CCDC144A: variants seen among roughly 807,000 people sequenced by gnomAD.
The protein encoded by CCDC144A is coiled-coil domain containing 144A.
A neutral mutation model predicts 143.8 loss-of-function variants in CCDC144A; 41 were observed. That is an observed-to-expected ratio of 0.29 (90% CI 0.22 to 0.37). CCDC144A has a LOEUF of 0.37. Ranked by LOEUF, CCDC144A falls within the 10% of genes least tolerant of loss-of-function variation. The pLI, the probability that CCDC144A is intolerant of heterozygous loss-of-function variation, is 1.00. For missense variants in CCDC144A, 637 were observed against 1,488.8 expected (o/e 0.43, Z 9.41); for synonymous variants, 242 against 517.9 (o/e 0.47, Z 7.23).
intron 15 of CCDC144A, among the ~76,000 whole-genome samples, chr17:16,771,730 A>G (rs1915828547): frequency 6.6e-6 from 1 of 152,268 alleles, no homozygotes; most frequent in Non-Finnish European, 1.5e-5. Context: ...TTGAAATGAC[A>G]TAGCTCCAAC....
intron 8 of CCDC144A, among the ~76,000 whole-genome samples, chr17:16,725,735 T>G (rs1198438163): frequency 6.9e-6 from 1 of 145,942 alleles, no homozygotes; most frequent in African/African-American, 2.6e-5. Context: ...AAGAACTTAT[T>G]CATGTAACCA....
chr17:16,688,592 G>A (rs1910875582), upstream of CCDC144A, among the ~76,000 whole-genome samples: 3 of 143,562 alleles, frequency 2.1e-5, no homozygotes, highest in Admixed American at 7.3e-5. Flanking sequence ...GGGTTCAAGC[G>A]ATTCTTTTGT....
Position 16,755,992 on chromosome 17 carries a change from A to G in CCDC144A, c.3373-5433A>G, listed in dbSNP as rs1438801317. Among the ~76,000 whole-genome samples, 3 of 152,158 alleles carry G rather than the reference A, an allele frequency of 2.0e-5. No individual in the cohort carries two copies. The East Asian group carries it at 5.8e-4, about 29-fold the overall frequency. On this transcript the variant is annotated intron_variant, in intron 12 of 16. Transcript: ENST00000399273. Reference sequence around the variant, plus strand: ...TAAGGTTTCTGCTGACAAATATGCTATTTGATATGGATTCCCTTGTATGTG... The same window carrying G: ...TAAGGTTTCTGCTGACAAATATGCTGTTTGATATGGATTCCCTTGTATGTG...
chr17:16,746,645 G>A, intron 12 of CCDC144A: 4 of 1,612,382 alleles, frequency 2.5e-6, no homozygotes, highest in Non-Finnish European at 3.4e-6. Flanking sequence ...GTAGAGATGA[G>A]GATAAAGACT....
At position 16,774,955 on chromosome 17, in the gene CCDC144A, C is replaced by A. The variant is rs2143426291; in HGVS notation, c.*1322C>A. ...TTCAGCTCCCACTTGTAAGTGAGAG[C>A]ATGCAGTATTTCATTTTCTATTTCT... On this transcript the variant is annotated 3_prime_UTR_variant, in exon 17 of 17. Coordinates refer to ENST00000399273, the MANE Select transcript of CCDC144A (RefSeq NM_001382000.1). The A allele has an allele frequency of 6.6e-6, 1 of 150,634 alleles. No homozygotes were observed. The highest frequency in any genetic ancestry group is 2.1e-4 in the South Asian group (1 of 4,666). The allele number at this position is 150,634 out of a possible 1,614,324, so 9.3% of individuals were successfully genotyped here.
At chr17:16,713,730 A>T (rs1912579141) in intron 6 of CCDC144A, among the ~76,000 whole-genome samples, 1 of 152,174 alleles carries the variant, frequency 6.6e-6, no homozygotes, top group Non-Finnish European at 1.5e-5. Flanking sequence ...CATTTCAAAA[A>T]TGCCATATAG....
At chr17:16,667,714 T>G in the CCDC144A span, among the ~76,000 whole-genome samples, 1 of 152,006 alleles carries the variant, frequency 6.6e-6, no homozygotes. Context: ...GAGGATGAAC[T>G]GTGTTTTGCA....
At chr17:16,696,466 T>G (rs548608779) in intron 2 of CCDC144A, among the ~76,000 whole-genome samples, 3 of 150,650 alleles carry the variant, frequency 2.0e-5, no homozygotes, top group Non-Finnish European at 4.5e-5. Flanking sequence ...CTGTCTCTAC[T>G]AAAAATACAC....
intron 2 of CCDC144A, among the ~76,000 whole-genome samples, chr17:16,694,170 C>T (rs1027334920): frequency 7.3e-5 from 11 of 149,990 alleles, no homozygotes; most frequent in South Asian, 2.2e-4. Flanking sequence ...AGTTCAAATC[C>T]GTGTTGTTCA....
chr17:16,674,424 AT>A, the CCDC144A span, among the ~76,000 whole-genome samples: 2 of 152,128 alleles, frequency 1.3e-5, no homozygotes, highest in Admixed American at 1.3e-4. Flanking sequence ...CATTGGTTAC[AT>A]TGAAAAGAAA....
chr17:16,686,273 C>G (rs1910778911), upstream of CCDC144A, among the ~76,000 whole-genome samples: 1 of 151,988 alleles, frequency 6.6e-6, no homozygotes, highest in South Asian at 2.1e-4. Context: ...TGCAATTTCC[C>G]TCCCTCCATG....
the CCDC144A span, among the ~76,000 whole-genome samples, chr17:16,667,632 CT>C: frequency 0.055 from 8,395 of 151,890 alleles, 489 homozygotes; most frequent in African/African-American, 0.14. Context: ...GCTCGGTGTC[CT>C]TTCTTACTCT....
chr17:16,697,666 T>C (rs1319627495), intron 2 of CCDC144A, among the ~76,000 whole-genome samples: 1 of 152,262 alleles, frequency 6.6e-6, no homozygotes, highest in Non-Finnish European at 1.5e-5. Flanking sequence ...TTTATTTTAC[T>C]TAAACTTTTT....
intron 12 of CCDC144A, among the ~76,000 whole-genome samples, chr17:16,739,743 C>T (rs1200921583): frequency 6.6e-6 from 1 of 152,122 alleles, no homozygotes; most frequent in African/African-American, 2.4e-5. Flanking sequence ...TTTGGATTCT[C>T]AGTTATAATA....
At chr17:16,713,486 G>A (rs1274116258) in intron 6 of CCDC144A, among the ~76,000 whole-genome samples, 1 of 152,084 alleles carries the variant, frequency 6.6e-6, no homozygotes, top group African/African-American at 2.4e-5. Flanking sequence ...CCTTTTATTC[G>A]TGTTATAGAA....
rs1429827359 is a variant in CCDC144A, at chr17:16,761,099, G to A, written c.3373-326G>A. 4.0e-5 allele frequency among the ~76,000 whole-genome samples: 6 copies of A among 151,312 alleles called. No individual in the cohort carries two copies. The South Asian group carries it at 6.3e-4, about 16-fold the overall frequency. On this transcript the variant is annotated intron_variant, in intron 12 of 16. Transcript: ENST00000399273. ...TCTCAGCACTTTGGGAGGCCGAGGC[G>A]AGTGGATCATGAGGTCAGGAGATCG... is the stretch of plus-strand genomic sequence containing the variant.
chr17:16,675,088 A>T, the CCDC144A span, among the ~76,000 whole-genome samples: 1 of 151,836 alleles, frequency 6.6e-6, no homozygotes, highest in Admixed American at 6.6e-5. Flanking sequence ...GGCCAACATG[A>T]TGAAACGCCA....
At chr17:16,768,303 C>G (rs180774081) in intron 15 of CCDC144A, among the ~76,000 whole-genome samples, 145 of 152,248 alleles carry the variant, frequency 9.5e-4, no homozygotes, top group Middle Eastern at 6.8e-3. Context: ...CCCAATAAAA[C>G]TTGTTTAATA....
At chr17:16,697,601 G>A (rs1911490204) in intron 2 of CCDC144A, among the ~76,000 whole-genome samples, 1 of 152,266 alleles carries the variant, frequency 6.6e-6, no homozygotes, top group African/African-American at 2.4e-5. Context: ...AGGTTAAGGA[G>A]CTCAGTTATT....
Sources: allele counts gnomAD v4.1 joint callset (sites outside exome capture counted in the v4.1 genomes callset), GRCh38; gene constraint gnomAD v4.1.1; transcripts MANE v1.5; gene names NCBI Gene and HGNC (gene_info 2026-07-23, HGNC 2026-07-21).